The following MAP3K5 variants were observed in gnomAD, a reference collection of about 807,000 sequenced individuals.
MAP3K5 encodes mitogen-activated protein kinase kinase kinase 5.
Under a neutral mutation model 158.7 loss-of-function variants are expected in MAP3K5, and 56 were observed. The observed-to-expected ratio is 0.35, with a 90% CI of 0.28 to 0.44. The LOEUF (loss-of-function observed/expected upper bound fraction) is 0.44. Among genes scored for constraint, MAP3K5 ranks in the 20% least tolerant of loss-of-function variants. The pLI, the probability that MAP3K5 is intolerant of heterozygous loss-of-function variation, is 1.00. For missense variants in MAP3K5, 1,294 were observed against 1,674.8 expected (o/e 0.77, Z 3.97); for synonymous variants, 579 against 601.7 (o/e 0.96, Z 0.55).
chr6:136,787,607 G>C (rs372955086), intron 1 of MAP3K5, among the ~76,000 whole-genome samples: 2 of 152,324 alleles, frequency 1.3e-5, no homozygotes, highest in African/African-American at 4.8e-5. Context: ...CTTTGTGCCT[G>C]CATCCCATGC....
At chr6:136,664,829 G>T (rs190208263) in intron 8 of MAP3K5, among the ~76,000 whole-genome samples, 1 of 152,176 alleles carries the variant, frequency 6.6e-6, no homozygotes, top group Admixed American at 6.5e-5. Context: ...TACTTAGAAG[G>T]CTGCAGCATG....
intron 1 of MAP3K5, among the ~76,000 whole-genome samples, chr6:136,761,746 G>T (rs1458217665): frequency 2.0e-5 from 3 of 152,182 alleles, no homozygotes; most frequent in Non-Finnish European, 4.4e-5. Flanking sequence ...AGCAAATTTA[G>T]TTTCCTCCCA....
intron 25 of MAP3K5, among the ~76,000 whole-genome samples, chr6:136,573,538 G>T (rs1224940973): frequency 6.6e-6 from 1 of 152,180 alleles, no homozygotes; most frequent in Non-Finnish European, 1.5e-5. Context: ...AGTGCTAAGG[G>T]GTAAATAAAG....
intron 1 of MAP3K5, among the ~76,000 whole-genome samples, chr6:136,726,357 C>A (rs991231129): frequency 2.6e-5 from 4 of 152,182 alleles, no homozygotes; most frequent in African/African-American, 9.7e-5. Flanking sequence ...CTTTGGGAGG[C>A]CAAAGCAGGT....
chr6:136,613,174 T>C lies in MAP3K5; in HGVS notation c.2361A>G (p.Ile787Met). The change falls in exon 17 of 30, where the codon ATA becomes ATG. Residue 787 changes from isoleucine (I) to methionine (M), a missense_variant. Physicochemically the swap from Ile to Met is conservative, Grantham distance 10. Around this residue, in one of 5 missense-constraint regions of MAP3K5, gnomAD observed 362 missense variants for 463.2 expected, o/e 0.78. Transcript: ENST00000359015. The surrounding 1 kb of genome is among the most constrained non-coding windows in gnomAD (Gnocchi z 4.0). ...CATGGAGATATTTTAATCCTTCCAG[T>C]ATTTGCTTTGTATAAAAGCCAATTG... ...EQTIGFYTKQ[I>M]LEGLKYLHDN... is the part of the protein sequence containing the mutation. 6.2e-7 allele frequency: 1 copy of C among 1,613,566 alleles called. No individual in the cohort carries two copies. Among genetic ancestry groups the C allele is most frequent in the Non-Finnish European group, 8.5e-7 (1 of 1,179,720 alleles).
In MAP3K5 at chr6:136,592,546, C is replaced by G. The variant is rs200595565; in HGVS notation, c.2947G>C (p.Gly983Arg). The G allele has an allele frequency of 6.2e-7, 1 of 1,613,920 alleles. No homozygotes were observed. Among genetic ancestry groups the G allele is most frequent in the East Asian group, 2.2e-5 (1 of 44,844 alleles). ...VEDTSSSSEY[G>R]SVSPDTELKV... Reference sequence around the variant, plus strand: ...AACTCCGTGTCGGGTGAAACTGAGCCGTACTCACTGCTGCTGCTGGTGTCC... The same window carrying G: ...AACTCCGTGTCGGGTGAAACTGAGCGGTACTCACTGCTGCTGCTGGTGTCC... Residue 983 changes from glycine to arginine, a missense_variant, in exon 22 of 30, where the codon GGC (glycine) becomes CGC (arginine). Physicochemically the swap from Gly to Arg is moderately radical, Grantham distance 125 (BLOSUM62 -2). Coordinates refer to ENST00000359015, the MANE Select transcript of MAP3K5 (RefSeq NM_005923.4).
At chr6:136,611,701 G>A (rs1028377550) in intron 17 of MAP3K5, among the ~76,000 whole-genome samples, 1 of 152,190 alleles carries the variant, frequency 6.6e-6, no homozygotes, top group African/African-American at 2.4e-5. Flanking sequence ...ATTCCAGGGT[G>A]TAGACCAAGC....
chr6:136,777,760 T>C (rs1040259359), intron 1 of MAP3K5, among the ~76,000 whole-genome samples: 1 of 152,074 alleles, frequency 6.6e-6, no homozygotes, highest in Non-Finnish European at 1.5e-5. Flanking sequence ...ACATCTGCCT[T>C]TATTATCTAA....
chr6:136,679,433 A>G (rs1004392355), intron 7 of MAP3K5, among the ~76,000 whole-genome samples: 5 of 152,052 alleles, frequency 3.3e-5, no homozygotes, highest in Non-Finnish European at 7.4e-5. Context: ...TTAGAATTTC[A>G]TGTTTTTTTT....
At chr6:136,675,323 T>C (rs370168152) in intron 7 of MAP3K5, among the ~76,000 whole-genome samples, 33 of 152,102 alleles carry the variant, frequency 2.2e-4, no homozygotes, top group Admixed American at 1.0e-3. Context: ...TTGAATAACA[T>C]TATTAGCCAA....
At chr6:136,660,026 A>G (rs981535442) in intron 8 of MAP3K5, among the ~76,000 whole-genome samples, 8 of 152,220 alleles carry the variant, frequency 5.3e-5, no homozygotes, top group South Asian at 2.1e-4. Flanking sequence ...CAATTTTTAT[A>G]TATGTCAGTA....
Position 136,691,525 on chromosome 6 carries a change from C to T in MAP3K5, c.1253+2615G>A, listed in dbSNP as rs141849319. Among the ~76,000 whole-genome samples, 114 of 151,788 alleles carry T rather than the reference C, an allele frequency of 7.5e-4. 1 individual carries two copies. In the Middle Eastern group the frequency reaches 0.01, roughly 14 times the overall value. ...ACTTGGGAGGTTGAGGCACGAGAAT[C>T]GCTTGAACCCCGGAGGCAGAGGTTG... On this transcript the variant is annotated intron_variant, in intron 7 of 29. Coordinates refer to ENST00000359015, the MANE Select transcript of MAP3K5 (RefSeq NM_005923.4).
chr6:136,749,033 C>T (rs1055077660), intron 1 of MAP3K5, among the ~76,000 whole-genome samples: 3 of 152,174 alleles, frequency 2.0e-5, no homozygotes, highest in African/African-American at 7.2e-5. Context: ...AACTTATAGT[C>T]AAATTGCCTT....
At chr6:136,759,561 C>T (rs938814420) in intron 1 of MAP3K5, among the ~76,000 whole-genome samples, 1 of 148,804 alleles carries the variant, frequency 6.7e-6, no homozygotes, top group African/African-American at 2.5e-5. Context: ...ACCTCTACAT[C>T]CTAGGCTCGA....
chr6:136,633,911 A>T (rs1267825082), intron 14 of MAP3K5, among the ~76,000 whole-genome samples: 1 of 152,228 alleles, frequency 6.6e-6, no homozygotes, highest in African/African-American at 2.4e-5. Flanking sequence ...TGACGCATGT[A>T]TTGAAACAAT....
chr6:136,775,489 T>A (rs768462766), intron 1 of MAP3K5, among the ~76,000 whole-genome samples: 1 of 152,212 alleles, frequency 6.6e-6, no homozygotes, highest in Non-Finnish European at 1.5e-5. Flanking sequence ...TCATAGCCTT[T>A]TTCTTCTTCT....
intron 1 of MAP3K5, among the ~76,000 whole-genome samples, chr6:136,755,868 T>G (rs918959242): frequency 7.2e-5 from 11 of 152,018 alleles, no homozygotes; most frequent in African/African-American, 2.4e-4. Context: ...AAGATGACAC[T>G]GAGGTTTCTA....
rs564282628 is a variant in MAP3K5, at chr6:136,720,296, G to A, written c.588+154C>T. Among the ~76,000 whole-genome samples the A allele has an allele frequency of 9.2e-5, 14 of 152,230 alleles. No individual in the cohort carries two copies. In the South Asian group the frequency reaches 2.1e-3, roughly 23 times the overall value. ...CATCAAATTTCTACAGTGAATTCTC[G>A]ATAAACCTCCCAATTTGACAAGTAA... is the stretch of plus-strand genomic sequence containing the variant. On this transcript the variant is annotated intron_variant, in intron 2 of 29. Transcript: ENST00000359015.
At chr6:136,576,781 G>C (rs1332859591) in intron 25 of MAP3K5, among the ~76,000 whole-genome samples, 1 of 152,128 alleles carries the variant, frequency 6.6e-6, no homozygotes, top group Admixed American at 6.6e-5. Context: ...TTTCAGTCAA[G>C]GATGGATCGC....
Sources: gnomAD v4.1 joint callset for allele counts (sites outside exome capture counted in the v4.1 genomes callset) on GRCh38, gnomAD v4.1.1 for gene constraint, gnomAD v4.1.1 regional missense constraint, Gnocchi (gnomAD v3.1) non-coding constraint, MANE v1.5 for transcripts, NCBI Gene and HGNC (gene_info 2026-07-23, HGNC 2026-07-21) for gene names.